The following NCAM1 variants were observed in gnomAD, a reference collection of about 807,000 sequenced individuals.
NCAM1 encodes the protein antigen recognized by monoclonal antibody 5.1H11.
Under a neutral mutation model 109.8 loss-of-function variants are expected in NCAM1, and 14 were observed. That is an observed-to-expected ratio of 0.13 (90% CI 0.08 to 0.20). The LOEUF (loss-of-function observed/expected upper bound fraction) is 0.20. Among genes scored for constraint, NCAM1 ranks in the 10% least tolerant of loss-of-function variants. NCAM1 has a pLI of 1.00. For missense variants in NCAM1, 774 were observed against 1,109.9 expected (o/e 0.70, Z 4.30); for synonymous variants, 418 against 442.9 (o/e 0.94, Z 0.70).
chr11:112,983,121 G>A (rs1951197089), intron 1 of NCAM1, among the ~76,000 whole-genome samples: 1 of 151,994 alleles, frequency 6.6e-6, no homozygotes, highest in Admixed American at 6.6e-5. Flanking sequence ...TAAAACCACA[G>A]AGCTGCCCTT....
intron 1 of NCAM1, among the ~76,000 whole-genome samples, chr11:113,119,872 C>T (rs576639605): frequency 6.6e-6 from 1 of 152,128 alleles, no homozygotes; most frequent in Non-Finnish European, 1.5e-5. Context: ...AACCCAGCAC[C>T]CTGTCTGGGG....
chr11:113,018,999 G>C (rs1352555546), intron 1 of NCAM1, among the ~76,000 whole-genome samples: 1 of 152,048 alleles, frequency 6.6e-6, no homozygotes, highest in Non-Finnish European at 1.5e-5. Flanking sequence ...GTAAAAGATG[G>C]TTTATCCCCT....
chr11:113,220,870 A>C (rs1284589007), intron 8 of NCAM1, among the ~76,000 whole-genome samples: 2 of 151,900 alleles, frequency 1.3e-5, no homozygotes, highest in East Asian at 3.9e-4. Context: ...CGGCCTCCCA[A>C]AGTGCTGGGA....
At chr11:113,270,612 A>G (rs1024382646) in intron 18 of NCAM1, 1 of 573,794 alleles carries the variant, frequency 1.7e-6, no homozygotes, top group Admixed American at 3.0e-5. Flanking sequence ...GCCCAATCCC[A>G]GATCTCTTGT....
intron 1 of NCAM1, among the ~76,000 whole-genome samples, chr11:113,110,503 T>C (rs782143543): frequency 6.6e-6 from 1 of 152,196 alleles, no homozygotes; most frequent in Non-Finnish European, 1.5e-5. Flanking sequence ...ATAAAGGTTA[T>C]AGGGTTTGGG....
chr11:113,188,143 G>A (rs1943569078), intron 1 of NCAM1, among the ~76,000 whole-genome samples: 1 of 152,220 alleles, frequency 6.6e-6, no homozygotes, highest in African/African-American at 2.4e-5. Context: ...ATTTGAGGGT[G>A]TGAGGAGAGA....
intron 1 of NCAM1, among the ~76,000 whole-genome samples, chr11:112,978,031 G>A (rs1317777773): frequency 1.3e-5 from 2 of 151,832 alleles, no homozygotes; most frequent in African/African-American, 2.4e-5. Context: ...ATTGCATGTG[G>A]TGCAATCCCA....
chr11:113,093,954 C>A (rs1465319212), intron 1 of NCAM1, among the ~76,000 whole-genome samples: 1 of 152,186 alleles, frequency 6.6e-6, no homozygotes, highest in Admixed American at 6.5e-5. Flanking sequence ...CAGGAGCTCC[C>A]CTTCAACTCC....
chr11:113,053,872 C>T (rs1427891326), intron 1 of NCAM1, among the ~76,000 whole-genome samples: 1 of 152,182 alleles, frequency 6.6e-6, no homozygotes, highest in Non-Finnish European at 1.5e-5. Context: ...CTGAGAGCCC[C>T]TTATCAAAAA....
intron 1 of NCAM1, among the ~76,000 whole-genome samples, chr11:113,169,058 G>GTA (rs1784805309): frequency 6.7e-6 from 1 of 149,098 alleles, no homozygotes; most frequent in Non-Finnish European, 1.5e-5. Flanking sequence ...GTGTGTGTGT[G>GTA]TGTGTGTGTG....
chr11:113,163,219 G>A (rs1175770938), intron 1 of NCAM1, among the ~76,000 whole-genome samples: 1 of 152,090 alleles, frequency 6.6e-6, no homozygotes, highest in Non-Finnish European at 1.5e-5. Context: ...TGGAGTCAGG[G>A]TTGTAATTTT....
chr11:113,083,338 G>A (rs1007718032), intron 1 of NCAM1, among the ~76,000 whole-genome samples: 5 of 152,042 alleles, frequency 3.3e-5, no homozygotes, highest in Non-Finnish European at 7.4e-5. Flanking sequence ...CAGGCTGTAC[G>A]TCCTGGTCTT....
At chr11:113,166,099 G>C (rs1364532647) in intron 1 of NCAM1, among the ~76,000 whole-genome samples, 2 of 152,116 alleles carry the variant, frequency 1.3e-5, no homozygotes, top group Non-Finnish European at 2.9e-5. Flanking sequence ...CCAAAGTGCT[G>C]GGATTACAGG....
intron 1 of NCAM1, among the ~76,000 whole-genome samples, chr11:113,168,614 C>A (rs568660692): frequency 6.6e-6 from 1 of 152,196 alleles, no homozygotes; most frequent in Non-Finnish European, 1.5e-5. Flanking sequence ...TCTTCCACTT[C>A]TGTTTGAGAT....
intron 1 of NCAM1, among the ~76,000 whole-genome samples, chr11:113,013,876 G>A (rs1555074889): frequency 6.6e-6 from 1 of 152,176 alleles, no homozygotes; most frequent in Non-Finnish European, 1.5e-5. Flanking sequence ...TTCCAAGGCA[G>A]TTTTCTTAAG....
At position 113,263,214 on chromosome 11, in the gene NCAM1, T is replaced by TTACAGAGAAGTTACAGAGATA. The variant is rs1946057313; in HGVS notation, c.2131+2903_2131+2904insACAGAGATATACAGAGAAGTT. On this transcript the variant is annotated intron_variant, in intron 17 of 19. Coordinates refer to ENST00000316851, the MANE Select transcript of NCAM1 (RefSeq NM_181351.5). Reference sequence around the variant, plus strand: ...ATTTTTAAAAACCATCATGCTAGATTTACAGAGAAGTTTCTGCATATCTGC... The same window carrying TTACAGAGAAGTTACAGAGATA: ...ATTTTTAAAAACCATCATGCTAGATTTACAGAGAAGTTACAGAGATATACAGAGAAGTTTCTGCATATCTGC... 5 of 1,094,256 alleles carry TTACAGAGAAGTTACAGAGATA rather than the reference T, an allele frequency of 4.6e-6. No individual in the cohort carries two copies. In the South Asian group the frequency reaches 1.7e-4, roughly 37 times the overall value. 67.8% of individuals were successfully genotyped at this position (1,094,256 alleles called of 1,614,324 possible).
At chr11:113,066,771 C>A (rs1432729455) in intron 1 of NCAM1, among the ~76,000 whole-genome samples, 2 of 152,024 alleles carry the variant, frequency 1.3e-5, no homozygotes, top group Non-Finnish European at 1.5e-5. Flanking sequence ...GAGGCCGAGG[C>A]GGGTGGATCA....
intron 1 of NCAM1, among the ~76,000 whole-genome samples, chr11:113,056,560 T>G (rs1953720087): frequency 6.6e-6 from 1 of 152,138 alleles, no homozygotes; most frequent in African/African-American, 2.4e-5. Context: ...GCTGACAAAC[T>G]CTCTTCCTTT....
At chr11:112,980,291 T>G (rs1159363982) in intron 1 of NCAM1, among the ~76,000 whole-genome samples, 1 of 151,822 alleles carries the variant, frequency 6.6e-6, no homozygotes, top group African/African-American at 2.4e-5. Context: ...CTGGCAGTTC[T>G]TAAACAGAGT....
Sources: allele counts gnomAD v4.1 joint callset (sites outside exome capture counted in the v4.1 genomes callset), GRCh38; gene constraint gnomAD v4.1.1; transcripts MANE v1.5; gene names NCBI Gene and HGNC (gene_info 2026-07-23, HGNC 2026-07-21).